The following NDUFAF6 variants were observed in gnomAD, a reference collection of about 807,000 sequenced individuals.
The protein encoded by NDUFAF6 is NADH:ubiquinone oxidoreductase complex assembly factor 6, also known as NADH dehydrogenase (ubiquinone) complex I, assembly factor 6.
NDUFAF6 carries 45 observed loss-of-function variants against 40.8 expected under a neutral mutation model. The ratio of observed to expected loss-of-function variants is 1.10; its 90% CI spans 0.87 to 1.42. The LOEUF is 1.42. Among genes scored for constraint, NDUFAF6 ranks in the 40% most tolerant of loss-of-function variants. The pLI is 0.00. For synonymous variants in NDUFAF6, 185 were observed against 155.9 expected (o/e 1.19, Z -1.39); for missense variants, 435 against 418.5 (o/e 1.04, Z -0.34).
intron 9 of NDUFAF6, among the ~76,000 whole-genome samples, chr8:95,071,078 C>A (rs961666091): frequency 6.6e-6 from 1 of 152,008 alleles, no homozygotes; most frequent in Non-Finnish European, 1.5e-5. Flanking sequence ...GTGTTCATAC[C>A]ATATGATTAA....
chr8:95,073,391 C>T (rs1414095160), intron 9 of NDUFAF6, among the ~76,000 whole-genome samples: 2 of 152,206 alleles, frequency 1.3e-5, no homozygotes, highest in African/African-American at 2.4e-5. Context: ...GAGTAGGCAG[C>T]GCCACCTCTC....
chr8:95,077,749 G>A (rs967200747), downstream of NDUFAF6, among the ~76,000 whole-genome samples: 12 of 152,132 alleles, frequency 7.9e-5, no homozygotes, highest in African/African-American at 2.9e-4. Context: ...TTCCCAGGGG[G>A]ATGTTATTCT....
At chr8:95,012,349 A>G (rs1354896665) in intron 2 of NDUFAF6, among the ~76,000 whole-genome samples, 2 of 152,146 alleles carry the variant, frequency 1.3e-5, no homozygotes, top group Non-Finnish European at 2.9e-5. Flanking sequence ...TCTTTTGACT[A>G]TCTATAGGCT....
intron 6 of NDUFAF6, among the ~76,000 whole-genome samples, chr8:95,048,178 A>G (rs1294454386): frequency 6.6e-6 from 1 of 152,168 alleles, no homozygotes; most frequent in Non-Finnish European, 1.5e-5. Context: ...TGGGTGACAG[A>G]GTAAGACCCT....
At chr8:94,946,222 T>A (rs1821976311) in intron 2 of NDUFAF6, among the ~76,000 whole-genome samples, 2 of 152,142 alleles carry the variant, frequency 1.3e-5, no homozygotes, top group Admixed American at 1.3e-4. Context: ...TTTCATATTA[T>A]TACATGAGTA....
downstream of NDUFAF6, among the ~76,000 whole-genome samples, chr8:95,076,724 T>C (rs541284877): frequency 6.6e-6 from 1 of 152,166 alleles, no homozygotes; most frequent in African/African-American, 2.4e-5. Flanking sequence ...AAATACAAAA[T>C]TAGCCATGTG....
rs1034063562 is a variant in NDUFAF6 at position 95,057,672 on chromosome 8, A to G, written c.874-137A>G. On this transcript the variant is annotated intron_variant, in intron 8 of 8. Transcript: ENST00000396124. Reference sequence around the variant, plus strand: ...ATGTCTTTTTCTTTCTCTCTTTTAAAATTCTCACTTAAATAGAAAACCATC... The same window carrying G: ...ATGTCTTTTTCTTTCTCTCTTTTAAGATTCTCACTTAAATAGAAAACCATC... 56 of 690,246 alleles carry G rather than the reference A, an allele frequency of 8.1e-5. No homozygotes were observed. The highest frequency in any genetic ancestry group is 1.2e-4 in the Non-Finnish European group (50 of 416,414). The allele number at this position is 690,246 out of a possible 1,614,324, so 42.8% of individuals were successfully genotyped here. A position where few individuals can be genotyped will look rare whatever the true frequency, so the allele number is the denominator to read the frequency against.
At chr8:94,963,465 C>T (rs982070655) in intron 1 of NDUFAF6, among the ~76,000 whole-genome samples, 2 of 152,268 alleles carry the variant, frequency 1.3e-5, no homozygotes, top group South Asian at 4.1e-4. Flanking sequence ...GGAATGATCC[C>T]AGGAGATAAC....
intron 2 of NDUFAF6, among the ~76,000 whole-genome samples, chr8:94,992,462 G>A (rs562197146): frequency 1.1e-4 from 17 of 152,176 alleles, no homozygotes; most frequent in Non-Finnish European, 1.8e-4. Flanking sequence ...ACTCCAGCCT[G>A]GATGACAGAG....
chr8:94,940,361 G>C, intron 1 of NDUFAF6: 2 of 942,252 alleles, frequency 2.1e-6, no homozygotes, highest in Non-Finnish European at 3.1e-6. Flanking sequence ...ATTAGCTGAT[G>C]CTCACGTATC....
chr8:95,115,374 C>T (rs1810110707), intron 4 of NDUFAF6, among the ~76,000 whole-genome samples: 1 of 152,312 alleles, frequency 6.6e-6, no homozygotes, highest in East Asian at 1.9e-4. Flanking sequence ...TTCTGGAAGG[C>T]ATCCCTTGGC....
At chr8:95,090,810 A>G (rs1809224079) in intron 2 of NDUFAF6, among the ~76,000 whole-genome samples, 1 of 152,160 alleles carries the variant, frequency 6.6e-6, no homozygotes, top group Admixed American at 6.5e-5. Context: ...ACGAATATAA[A>G]GCAGGCAGAA....
chr8:94,914,103 C>CTTTTTTT (rs563687562), intron 1 of NDUFAF6, among the ~76,000 whole-genome samples: 32 of 98,156 alleles, frequency 3.3e-4, no homozygotes, highest in East Asian at 5.7e-4. Flanking sequence ...GACCTTATCT[C>CTTTTTTT]TTTTTTTTTT....
downstream of NDUFAF6, among the ~76,000 whole-genome samples, chr8:95,108,249 A>G (rs1809899411): frequency 6.6e-6 from 1 of 152,190 alleles, no homozygotes; most frequent in Admixed American, 6.5e-5. Flanking sequence ...AGGGACTCAA[A>G]TATTTTACAC....
downstream of NDUFAF6, among the ~76,000 whole-genome samples, chr8:95,080,391 TG>T (rs1808795112): frequency 6.6e-6 from 1 of 151,852 alleles, no homozygotes; most frequent in Non-Finnish European, 1.5e-5. Flanking sequence ...TAGTGATTTT[TG>T]GTAGTGTATT....
chr8:95,029,548 C>G (rs1828587552), intron 1 of NDUFAF6, among the ~76,000 whole-genome samples: 1 of 152,214 alleles, frequency 6.6e-6, no homozygotes, highest in African/African-American at 2.4e-5. Context: ...AATCCACAGG[C>G]CCCATTCAAA....
intron 8 of NDUFAF6, among the ~76,000 whole-genome samples, chr8:95,054,519 C>G (rs1831871453): frequency 6.6e-6 from 1 of 151,312 alleles, no homozygotes; most frequent in African/African-American, 2.4e-5. Flanking sequence ...ACTGCAGCCT[C>G]TGCCTCCAGG....
At chr8:94,915,064 C>T (rs1008750686) in intron 1 of NDUFAF6, among the ~76,000 whole-genome samples, 1 of 151,984 alleles carries the variant, frequency 6.6e-6, no homozygotes, top group African/African-American at 2.4e-5. Flanking sequence ...AACACTTTTC[C>T]CCTATTCCCC....
chr8:94,969,316 A>G (rs955341950), intron 1 of NDUFAF6, among the ~76,000 whole-genome samples: 3 of 152,230 alleles, frequency 2.0e-5, no homozygotes, highest in Non-Finnish European at 4.4e-5. Flanking sequence ...GAGAAAACCA[A>G]TAGGGTCCAC....
Sources: gnomAD v4.1 joint callset for allele counts (sites outside exome capture counted in the v4.1 genomes callset) on GRCh38, gnomAD v4.1.1 for gene constraint, MANE v1.5 for transcripts, NCBI Gene and HGNC (gene_info 2026-07-23, HGNC 2026-07-21) for gene names.